ZNF600: variants seen among roughly 807,000 people sequenced by gnomAD.
ZNF600 encodes zinc finger protein 600, also known as zinc finger protein KR-ZNF1.
Under a neutral mutation model 7.3 loss-of-function variants are expected in ZNF600, and 4 were observed. The ratio of observed to expected loss-of-function variants is 0.55; its 90% confidence interval spans 0.27 to 1.25. The LOEUF is 1.25. ZNF600 is among the 50% of genes most tolerant of loss of function. ZNF600 has a pLI of 0.12. For missense variants in ZNF600, 911 were observed against 922.1 expected (o/e 0.99, Z 0.16); for synonymous variants, 290 against 308.9 (o/e 0.94, Z 0.64).
the ZNF600 span, chr19:52,808,187 C>A: frequency 6.3e-7 from 1 of 1,599,964 alleles, no homozygotes; most frequent in African/African-American, 1.3e-5. Flanking sequence ...CTTATCTTTA[C>A]AGAAAATGAC....
exon 4 of ZNF600, chr19:52,767,256 C>A: frequency 5.0e-6 from 8 of 1,614,196 alleles, no homozygotes; most frequent in Non-Finnish European, 6.8e-6. Flanking sequence ...GGCTTTGCCA[C>A]TCTCATTACA....
the ZNF600 span, chr19:52,799,009 C>A: frequency 3.7e-6 from 3 of 804,510 alleles, no homozygotes; most frequent in South Asian, 4.9e-5. Flanking sequence ...TGTTACAAAC[C>A]TTACATTTGT....
At chr19:52,788,118 C>T (rs1371867621), upstream of ZNF600, among the ~76,000 whole-genome samples, 4 of 151,932 alleles carry the variant, frequency 2.6e-5, no homozygotes, top group Non-Finnish European at 4.4e-5. Flanking sequence ...GAGCCCTTCC[C>T]AGGACCATGC....
chr19:52,768,344 G>T (rs911030998), intron 3 of ZNF600, among the ~76,000 whole-genome samples: 1 of 150,502 alleles, frequency 6.6e-6, no homozygotes, highest in African/African-American at 2.4e-5. Flanking sequence ...GGAGGCTGAG[G>T]CATAAGAATC....
the ZNF600 span, chr19:52,814,233 G>A: frequency 1.4e-5 from 2 of 145,858 alleles, no homozygotes; most frequent in Non-Finnish European, 3.0e-5. Context: ...AGCTTTCTTG[G>A]AGCGTTACCA....
the ZNF600 span, among the ~76,000 whole-genome samples, chr19:52,794,575 GC>G: frequency 6.6e-6 from 1 of 152,184 alleles, no homozygotes; most frequent in South Asian, 2.1e-4. Context: ...TCCAGGATGG[GC>G]CGGGCATGGC....
intron 3 of ZNF600, among the ~76,000 whole-genome samples, chr19:52,774,073 A>ATCT (rs1365179713): frequency 6.6e-6 from 1 of 152,122 alleles, no homozygotes; most frequent in African/African-American, 2.4e-5. Context: ...GTCCATCAAC[A>ATCT]GATAAATATA....
chr19:52,798,795 A>G, the ZNF600 span: 252 of 770,076 alleles, frequency 3.3e-4, no homozygotes, highest in African/African-American at 3.9e-3. Context: ...TGGATTCTCC[A>G]ATGATTTGCA....
intron 1 of ZNF600, among the ~76,000 whole-genome samples, chr19:52,781,859 G>A (rs947561593): frequency 7.2e-5 from 11 of 151,826 alleles, no homozygotes; most frequent in Admixed American, 5.2e-4. Flanking sequence ...CCAGGAGCTC[G>A]AGACCAACCT....
chr19:52,818,529 ATGGTGAAACCC>A, the ZNF600 span, among the ~76,000 whole-genome samples: 16,015 of 151,980 alleles, frequency 0.11, 1,252 homozygotes, highest in African/African-American at 0.2. Flanking sequence ...CCTGGCCAAC[ATGGTGAAACCC>A]TGTCTCTACT....
At chr19:52,787,177 G>T (rs755882885), upstream of ZNF600, among the ~76,000 whole-genome samples, 10 of 152,172 alleles carry the variant, frequency 6.6e-5, no homozygotes, top group Non-Finnish European at 1.5e-4. Flanking sequence ...TAGGGCCTCC[G>T]CCTGGGATGC....
At chr19:52,769,342 C>T (rs904431024) in intron 3 of ZNF600, among the ~76,000 whole-genome samples, 2 of 152,192 alleles carry the variant, frequency 1.3e-5, no homozygotes, top group African/African-American at 2.4e-5. Flanking sequence ...GTACACCTGG[C>T]TCTGCCTTCT....
the ZNF600 span, among the ~76,000 whole-genome samples, chr19:52,817,623 G>A: frequency 1.3e-5 from 2 of 152,130 alleles, no homozygotes; most frequent in South Asian, 4.2e-4. Flanking sequence ...ACAGAGAGCT[G>A]ACAGTGCATC....
In ZNF600 at chr19:52,766,508, A is replaced by C; in HGVS notation, c.1455T>G (p.Cys485Trp). 1 of 1,614,104 alleles carries C rather than the reference A, an allele frequency of 6.2e-7. No individual in the cohort carries two copies. ...GACCAAAGGTCTTCCCACATTCATT[A>C]CACTTGTAAGGTTTTCCTCCACTAT... The change falls in exon 4 of 4, where the codon TGT (cysteine) becomes TGG (tryptophan). Residue 485 changes from cysteine to tryptophan, a missense_variant. Cys to Trp is a radical substitution (Grantham distance 215, BLOSUM62 -2). Coordinates refer to ENST00000648973, the Ensembl canonical transcript of ZNF600.
At chr19:52,779,198 C>G (rs1170808903) in intron 1 of ZNF600, among the ~76,000 whole-genome samples, 1 of 152,156 alleles carries the variant, frequency 6.6e-6, no homozygotes, top group Non-Finnish European at 1.5e-5. Context: ...TTCATCAATC[C>G]CCATCCAGAG....
the ZNF600 span, chr19:52,800,128 G>C: frequency 6.2e-7 from 1 of 1,614,010 alleles, no homozygotes; most frequent in Non-Finnish European, 8.5e-7. Flanking sequence ...TCTCCAGTAT[G>C]AATCCTCCTA....
At chr19:52,774,470 AAAAG>A in intron 3 of ZNF600, 101 bp downstream of exon 5, 2 of 973,192 alleles carry the variant, frequency 2.1e-6, no homozygotes, top group African/African-American at 3.7e-5. Flanking sequence ...AAAAAAAAAA[AAAAG>A]CCATGCATGG....
Position 52,784,990 on chromosome 19 carries a change from G to A in ZNF600, c.-20+1605C>T, listed in dbSNP as rs529525865. ...AGACTCAAGCAATCCCTTTGCCTCA[G>A]TCTCCTAAAGTGCTGAGATTACAGG... On this transcript the variant is annotated intron_variant, in intron 1 of 3. Transcript: ENST00000648973. Among the ~76,000 whole-genome samples, 11 of 152,208 alleles carry A rather than the reference G, an allele frequency of 7.2e-5. No individual in the cohort carries two copies. In the South Asian group the frequency reaches 2.1e-3, roughly 29 times the overall value.
chr19:52,807,964 T>C, the ZNF600 span: 5 of 1,610,758 alleles, frequency 3.1e-6, no homozygotes, highest in Non-Finnish European at 4.2e-6. Context: ...CAAGAGAAAA[T>C]ACAAAGATAC....
Sources: gnomAD v4.1 joint callset for allele counts (sites outside exome capture counted in the v4.1 genomes callset) on GRCh38, gnomAD v4.1.1 for gene constraint, MANE v1.5 for transcripts, NCBI Gene and HGNC (gene_info 2026-07-23, HGNC 2026-07-21) for gene names.